DTNBP1: variants seen among roughly 807,000 people sequenced by gnomAD.
DTNBP1 encodes the protein dysbindin.
Under a neutral mutation model 42.8 loss-of-function variants are expected in DTNBP1, and 35 were observed. That is an observed-to-expected ratio of 0.82 (90% CI 0.63 to 1.09). The LOEUF (loss-of-function observed/expected upper bound fraction) is 1.09, where lower values mean the gene tolerates loss of function less well. Ranked by LOEUF, DTNBP1 falls within the 50% of genes least tolerant of loss-of-function variation. The probability of loss-of-function intolerance (pLI) is 0.00; values close to 1 mark genes in which losing one functional copy is unlikely to be tolerated. For synonymous variants in DTNBP1, 171 were observed against 162.2 expected, an observed-to-expected ratio of 1.05 and a Z score of -0.41; for missense variants, 457 against 424.2, an observed-to-expected ratio of 1.08 and a Z score of -0.68.
intron 7 of DTNBP1, among the ~76,000 whole-genome samples, chr6:15,544,669 G>C (rs1196101043): frequency 1.3e-5 from 2 of 152,204 alleles, no homozygotes; most frequent in African/African-American, 4.8e-5. Flanking sequence ...ATGCTCATGG[G>C]AGCATTTAGG....
intron 3 of DTNBP1, among the ~76,000 whole-genome samples, chr6:15,647,416 A>G (rs1006922894): frequency 5.3e-5 from 8 of 151,956 alleles, no homozygotes; most frequent in African/African-American, 1.9e-4. Flanking sequence ...AACCAATAAG[A>G]AATTCTGGAG....
At chr6:15,572,811 A>C (rs995405085) in intron 7 of DTNBP1, among the ~76,000 whole-genome samples, 1 of 151,970 alleles carries the variant, frequency 6.6e-6, no homozygotes, top group African/African-American at 2.4e-5. Flanking sequence ...GGCTCACTGC[A>C]CCTTCAACCT....
chr6:15,608,418 C>T (rs893290193), intron 6 of DTNBP1, among the ~76,000 whole-genome samples: 1 of 152,188 alleles, frequency 6.6e-6, no homozygotes, highest in Admixed American at 6.5e-5. Flanking sequence ...AATGCATTAG[C>T]TTCATTTTTT....
At chr6:15,647,994 T>C (rs1190722587) in intron 3 of DTNBP1, among the ~76,000 whole-genome samples, 1 of 152,004 alleles carries the variant, frequency 6.6e-6, no homozygotes, top group East Asian at 1.9e-4. Context: ...TGAATACTAA[T>C]GCAAAAATCC....
At chr6:15,628,762 C>T (rs894244547) in intron 4 of DTNBP1, among the ~76,000 whole-genome samples, 1 of 151,972 alleles carries the variant, frequency 6.6e-6, no homozygotes, top group East Asian at 1.9e-4. Context: ...TTACTAAGTT[C>T]CACTTAATAA....
chr6:15,542,119 A>G (rs1367930231), intron 7 of DTNBP1, among the ~76,000 whole-genome samples: 1 of 152,212 alleles, frequency 6.6e-6, no homozygotes, highest in Non-Finnish European at 1.5e-5. Context: ...AATATTTACA[A>G]TTCAGGTGTT....
chr6:15,592,823 C>T (rs1406370384), intron 7 of DTNBP1, among the ~76,000 whole-genome samples: 1 of 152,198 alleles, frequency 6.6e-6, no homozygotes, highest in Non-Finnish European at 1.5e-5. Flanking sequence ...GTTAGCACTG[C>T]ACCTTCCTAA....
At chr6:15,620,354 TTA>T (rs1009531763) in intron 5 of DTNBP1, among the ~76,000 whole-genome samples, 8 of 152,060 alleles carry the variant, frequency 5.3e-5, no homozygotes, top group African/African-American at 1.9e-4. Context: ...GTACTGCCAT[TTA>T]TATATATATT....
chr6:15,648,400 CA>C (rs1239288012), intron 3 of DTNBP1, among the ~76,000 whole-genome samples: 1 of 151,632 alleles, frequency 6.6e-6, no homozygotes. Context: ...CTAGCCAGAG[CA>C]ATTAGGCAAG....
chr6:15,592,593 G>A (rs1201289624), intron 7 of DTNBP1, among the ~76,000 whole-genome samples: 1 of 152,180 alleles, frequency 6.6e-6, no homozygotes, highest in Non-Finnish European at 1.5e-5. Flanking sequence ...TTTACAGATG[G>A]AGAGAGAAAC....
intron 7 of DTNBP1, among the ~76,000 whole-genome samples, chr6:15,556,383 T>C (rs1042471403): frequency 6.6e-6 from 1 of 152,086 alleles, no homozygotes; most frequent in Admixed American, 6.5e-5. Context: ...GGTTTCACCA[T>C]GTTGGCCAGG....
chr6:15,624,269 T>C (rs944812684), intron 5 of DTNBP1, among the ~76,000 whole-genome samples: 1 of 152,200 alleles, frequency 6.6e-6, no homozygotes, highest in Non-Finnish European at 1.5e-5. Context: ...GGAAGTTGGA[T>C]TGGGAGCCAA....
intron 7 of DTNBP1, among the ~76,000 whole-genome samples, chr6:15,567,041 C>T (rs2113506408): frequency 6.6e-6 from 1 of 152,288 alleles, no homozygotes; most frequent in Non-Finnish European, 1.5e-5. Context: ...CAGACCCTCC[C>T]AATCCTGAAG....
chr6:15,625,856 C>T (rs530707369), intron 5 of DTNBP1, among the ~76,000 whole-genome samples: 6 of 152,254 alleles, frequency 3.9e-5, no homozygotes, highest in South Asian at 4.1e-4. Flanking sequence ...AAGAATGTTC[C>T]GAACATCTTA....
chr6:15,533,376 G>A lies in DTNBP1; in HGVS notation c.531C>T (p.His177=), dbSNP rs771033313. Residue 177 remains histidine (H), a synonymous_variant, in exon 8 of 10, where the codon CAC becomes CAT. Coordinates refer to ENST00000344537, the MANE Select transcript of DTNBP1 (RefSeq NM_032122.5). ...ETFKAELDAE[H]AQKVLEMEHT... ...GCTCCATTTCCAGGACCTTCTGGGC[G>A]TGCTCTGCATCTAGTTCAGCTGAGG... 8.7e-6 allele frequency: 14 copies of A among 1,614,218 alleles called. No homozygotes were observed. Among genetic ancestry groups the A allele is most frequent in the Middle Eastern group, 1.6e-4 (1 of 6,062 alleles).
chr6:15,632,105 T>C (rs746392399), intron 4 of DTNBP1, among the ~76,000 whole-genome samples: 4 of 152,208 alleles, frequency 2.6e-5, no homozygotes, highest in Non-Finnish European at 2.9e-5. Flanking sequence ...CCTGCTGATA[T>C]CTTTTACTCA....
chr6:15,574,601 C>T (rs1482480241), intron 7 of DTNBP1, among the ~76,000 whole-genome samples: 1 of 152,244 alleles, frequency 6.6e-6, no homozygotes. Context: ...TTGTCACACT[C>T]TCCAGTGTGC....
At chr6:15,564,592 G>C (rs1001054402) in intron 7 of DTNBP1, among the ~76,000 whole-genome samples, 4 of 152,022 alleles carry the variant, frequency 2.6e-5, no homozygotes, top group South Asian at 4.2e-4. Context: ...ATTTTTAGTA[G>C]AGACAGGGTT....
At chr6:15,543,943 T>C (rs1561948425) in intron 7 of DTNBP1, among the ~76,000 whole-genome samples, 1 of 152,182 alleles carries the variant, frequency 6.6e-6, no homozygotes, top group East Asian at 1.9e-4. Flanking sequence ...CCCCTTCCCC[T>C]TCCTTGTCTG....
Sources: gnomAD v4.1 joint callset for allele counts (sites outside exome capture counted in the v4.1 genomes callset) on GRCh38, gnomAD v4.1.1 for gene constraint, MANE v1.5 for transcripts, NCBI Gene and HGNC (gene_info 2026-07-23, HGNC 2026-07-21) for gene names.